ATR: variants seen among roughly 807,000 people sequenced by gnomAD.
The protein encoded by ATR is serine/threonine-protein kinase ATR.
ATR carries 142 observed loss-of-function variants against 305.3 expected under a neutral mutation model. That is an observed-to-expected ratio of 0.47 (90% confidence interval 0.41 to 0.53). ATR has a LOEUF of 0.53. Among genes scored for constraint, ATR ranks in the 20% least tolerant of loss-of-function variants. The pLI, the probability that ATR is intolerant of heterozygous loss-of-function variation, is 0.00. For synonymous variants in ATR, 1,050 were observed against 1,068.1 expected (o/e 0.98, Z 0.33); for missense variants, 2,135 against 3,133.1 (o/e 0.68, Z 7.60).
In ATR at chr3:142,547,772, C is replaced by A; in HGVS notation, c.3310G>T (p.Asp1104Tyr). The change falls in exon 16 of 47, where the codon GAT (aspartate) becomes TAT (tyrosine). Residue 1104 changes from aspartate (D) to tyrosine (Y), a missense_variant. Asp to Tyr is a radical substitution (Grantham distance 160). Coordinates refer to ENST00000350721, the MANE Select transcript of ATR (RefSeq NM_001184.4). ...LSILASFASSDDPYQGPRDII... is the reference protein window; with the variant it reads ...LSILASFASSYDPYQGPRDII... The stretch of plus-strand genomic sequence containing the variant: ...TCTCTCGGGCCCTGATATGGATCAT[C>A]ACTGGATGCAAATGAGGCAAGTATT... The A allele has an allele frequency of 2.5e-6, 4 of 1,613,950 alleles. No homozygotes were observed. Among genetic ancestry groups the A allele is most frequent in the Non-Finnish European group, 3.4e-6 (4 of 1,179,926 alleles).
chr3:142,519,982 A>G (rs2033075525), intron 23 of ATR, among the ~76,000 whole-genome samples, 198 bp from the exon 24 acceptor site: 1 of 152,134 alleles, frequency 6.6e-6, no homozygotes, highest in Non-Finnish European at 1.5e-5. Context: ...GCCACTATGC[A>G]TGCAGTAAAT....
At chr3:142,455,549 G>C (rs1377034491) in intron 45 of ATR, among the ~76,000 whole-genome samples, 2 of 152,164 alleles carry the variant, frequency 1.3e-5, no homozygotes, top group African/African-American at 4.8e-5. Context: ...TGTGTTGTTA[G>C]CATAAGGTTA....
chr3:142,547,665 T>C lies in ATR; in HGVS notation c.3357+60A>G, dbSNP rs971522044. On this transcript the variant is annotated intron_variant, in intron 16 of 46. Coordinates refer to ENST00000350721, the MANE Select transcript of ATR (RefSeq NM_001184.4). ...CAAAAATATGATTTCTTCAATTTTA[T>C]AATTAAGCTGCAAAAGGAAGAAAAA... is the stretch of plus-strand genomic sequence containing the variant. 2.1e-5 allele frequency: 33 copies of C among 1,545,944 alleles called. No homozygotes were observed. In the African/African-American group the frequency reaches 3.4e-4, roughly 16 times the overall value.
intron 36 of ATR, among the ~76,000 whole-genome samples, chr3:142,484,464 C>T (rs1307116008): frequency 6.6e-6 from 1 of 152,162 alleles, no homozygotes; most frequent in Non-Finnish European, 1.5e-5. Context: ...CACAGCCCAT[C>T]TCCATGGAGA....
At chr3:142,551,743 C>T (rs1280367162) in intron 13 of ATR, among the ~76,000 whole-genome samples, 2 of 152,122 alleles carry the variant, frequency 1.3e-5, no homozygotes, top group East Asian at 3.9e-4. Flanking sequence ...CTAGGCAATA[C>T]CTCAGGCTAT....
chr3:142,571,542 G>C (rs1294500750), intron 1 of ATR, among the ~76,000 whole-genome samples: 1 of 152,018 alleles, frequency 6.6e-6, no homozygotes, highest in Non-Finnish European at 1.5e-5. Flanking sequence ...ACCCAAAGCA[G>C]GGAATGATTA....
At chr3:142,491,052 TAC>T (rs2031247310) in intron 35 of ATR, among the ~76,000 whole-genome samples, 1 of 152,128 alleles carries the variant, frequency 6.6e-6, no homozygotes, top group African/African-American at 2.4e-5. Context: ...TTAGTATATT[TAC>T]AGAGTTGTGT....
At chr3:142,477,269 A>G (rs1046766989) in intron 36 of ATR, among the ~76,000 whole-genome samples, 2 of 152,208 alleles carry the variant, frequency 1.3e-5, no homozygotes, top group South Asian at 2.1e-4. Flanking sequence ...ATGTCCCATC[A>G]ATACCTAATT....
intron 16 of ATR, among the ~76,000 whole-genome samples, chr3:142,546,054 GGGACACTGACC>G (rs2034257650): frequency 6.6e-6 from 1 of 152,100 alleles, no homozygotes; most frequent in African/African-American, 2.4e-5. Flanking sequence ...CTCCGTACCT[GGGACACTGACC>G]GGACTGCATT....
rs145922790 is a variant in ATR at position 142,509,136 on chromosome 3, A to C, written c.4853-1027T>G. Among the ~76,000 whole-genome samples, 496 of 152,206 alleles carry C rather than the reference A, an allele frequency of 3.3e-3. 1 individual carries two copies. Among genetic ancestry groups the C allele is most frequent in the African/African-American group, 0.011 (451 of 41,526 alleles). On this transcript the variant is annotated intron_variant, in intron 27 of 46. Coordinates refer to ENST00000350721, the MANE Select transcript of ATR (RefSeq NM_001184.4). ...AGGCAACAAATTTCTTCAAAATTTA[A>C]ATAAGGCAGTATATTTTATTTTTAT...
At chr3:142,568,224 A>G in intron 1 of ATR, 70 bp from the exon 2 acceptor site, 1 of 1,173,724 alleles carries the variant, frequency 8.5e-7, no homozygotes, top group East Asian at 2.4e-5. Context: ...AATTTCTCTA[A>G]AGTAGAACTC....
At chr3:142,455,633 G>A (rs1254814129) in intron 45 of ATR, among the ~76,000 whole-genome samples, 1 of 152,178 alleles carries the variant, frequency 6.6e-6, no homozygotes, top group African/African-American at 2.4e-5. Context: ...AATTAAACGA[G>A]GGGCAAAATA....
intron 7 of ATR, 84 bp from the exon 8 acceptor site, chr3:142,558,860 C>G: frequency 7.5e-7 from 1 of 1,341,890 alleles, no homozygotes; most frequent in Non-Finnish European, 1.0e-6. Flanking sequence ...ATTTGAAATA[C>G]TATCATAATG....
chr3:142,533,600 C>T (rs2033745399), intron 21 of ATR, among the ~76,000 whole-genome samples: 3 of 152,104 alleles, frequency 2.0e-5, no homozygotes, highest in South Asian at 2.1e-4. Flanking sequence ...GTTAGGAAGA[C>T]GTGTTTCTGG....
chr3:142,566,418 A>G (rs1341801450), intron 2 of ATR, among the ~76,000 whole-genome samples, 157 bp from the exon 3 acceptor site: 1 of 152,126 alleles, frequency 6.6e-6, no homozygotes, highest in Admixed American at 6.5e-5. Flanking sequence ...CAGGAACTCA[A>G]GACCAGCCTG....
At chr3:142,566,360 T>C in intron 2 of ATR, 99 bp from the exon 3 acceptor site, 2 of 1,309,812 alleles carry the variant, frequency 1.5e-6, no homozygotes, top group Non-Finnish European at 2.2e-6. Context: ...GCCTCACTCC[T>C]GTAACCCCTG....
Position 142,458,932 on chromosome 3 carries a change from TAGTAAG to T in ATR, c.7503+20_7503+25del, listed in dbSNP as rs1303067140. ...AAAGGAAATTGAGAGAAAACACAAT[TAGTAAG>T]AGTAACTCATATCACATACCTTATT... is the stretch of plus-strand genomic sequence containing the variant. On this transcript the variant is annotated intron_variant, in intron 44 of 46. Coordinates refer to ENST00000350721, the MANE Select transcript of ATR (RefSeq NM_001184.4). 8 of 1,610,020 alleles carry T rather than the reference TAGTAAG, an allele frequency of 5.0e-6. No individual in the cohort carries two copies. The Admixed American group carries it at 8.3e-5, about 17-fold the overall frequency.
At chr3:142,535,238 T>C (rs779274173) in intron 20 of ATR, 33 bp from the exon 21 acceptor site, 12 of 1,611,274 alleles carry the variant, frequency 7.4e-6, no homozygotes, top group African/African-American at 1.3e-5. Context: ...CAGAACTTAT[T>C]AATCAACTAT....
At chr3:142,467,410 G>A (rs1244008882) in intron 39 of ATR, among the ~76,000 whole-genome samples, 1 of 152,098 alleles carries the variant, frequency 6.6e-6, no homozygotes, top group Non-Finnish European at 1.5e-5. Flanking sequence ...AAGCACCTCA[G>A]GCATGAGAAT....
Sources: gnomAD v4.1 joint callset for allele counts (sites outside exome capture counted in the v4.1 genomes callset) on GRCh38, gnomAD v4.1.1 for gene constraint, MANE v1.5 for transcripts, NCBI Gene and HGNC (gene_info 2026-07-23, HGNC 2026-07-21) for gene names.